Variants in DARS1 observed in about 807,000 individuals in gnomAD.
DARS1 encodes aspartyl-tRNA synthetase 1, also known as aspartate--tRNA ligase, cytoplasmic.
DARS1 carries 51 observed loss-of-function variants against 68.8 expected under a neutral mutation model. That is an observed-to-expected ratio of 0.74 (90% CI 0.59 to 0.94). The LOEUF is 0.94. Ranked by LOEUF, DARS1 falls within the 40% of genes least tolerant of loss-of-function variation. DARS1 has a pLI of 0.00. For missense variants in DARS1, 607 were observed against 597.3 expected, an observed-to-expected ratio of 1.02 and a Z score of -0.17; for synonymous variants, 203 against 190.4, an observed-to-expected ratio of 1.07 and a Z score of -0.55.
intron 4 of DARS1, among the ~76,000 whole-genome samples, chr2:135,948,605 C>T (rs1681776021): frequency 6.6e-6 from 1 of 152,148 alleles, no homozygotes; most frequent in African/African-American, 2.4e-5. Context: ...TGGCTCATGC[C>T]TGTAATCTCA....
At chr2:135,985,330 C>T (rs1025403324) in intron 1 of DARS1, 73 bp downstream of exon 1, 54 of 1,558,150 alleles carry the variant, frequency 3.5e-5, no homozygotes, top group Non-Finnish European at 4.4e-5. Flanking sequence ...GGCCCCACTC[C>T]CCCTCCTCCC....
chr2:135,954,351 A>C (rs58805013), intron 4 of DARS1, among the ~76,000 whole-genome samples: 3,258 of 148,346 alleles, frequency 0.022, 124 homozygotes, highest in African/African-American at 0.076. Context: ...AAAAAGAGAG[A>C]GAGAACAGAA....
chr2:135,933,881 G>C (rs754150613), intron 6 of DARS1, 29 bp downstream of exon 6: 1 of 1,603,420 alleles, frequency 6.2e-7, no homozygotes, highest in Non-Finnish European at 8.5e-7. Context: ...TACAGCGGAA[G>C]CATAATATTT....
intron 4 of DARS1, among the ~76,000 whole-genome samples, chr2:135,951,527 G>C (rs1681838407): frequency 6.6e-6 from 1 of 152,188 alleles, no homozygotes; most frequent in Non-Finnish European, 1.5e-5. Flanking sequence ...TTGCTATAAA[G>C]CTTGTTTTGA....
intron 3 of DARS1, among the ~76,000 whole-genome samples, chr2:135,964,065 A>C (rs1558796575): frequency 6.6e-6 from 1 of 152,218 alleles, no homozygotes; most frequent in Non-Finnish European, 1.5e-5. Flanking sequence ...CTGGATGACT[A>C]TATACAAAAA....
chr2:135,945,504 C>T (rs1681701214), intron 4 of DARS1, among the ~76,000 whole-genome samples: 1 of 152,164 alleles, frequency 6.6e-6, no homozygotes, highest in African/African-American at 2.4e-5. Flanking sequence ...GTCAAAGATA[C>T]TCTGCCCAGG....
chr2:135,969,392 GAA>G (rs1026983736), intron 3 of DARS1, among the ~76,000 whole-genome samples: 56 of 152,114 alleles, frequency 3.7e-4, no homozygotes, highest in African/African-American at 1.3e-3. Context: ...ATAAAAAAAA[GAA>G]TGAATAGAAA....
At chr2:135,911,354 C>T (rs779479594) in intron 14 of DARS1, 28 bp downstream of exon 14, 1 of 866,716 alleles carries the variant, frequency 1.2e-6, no homozygotes, top group Admixed American at 1.8e-5. Flanking sequence ...AGAATATACA[C>T]TCCCCTAAAT....
At chr2:135,913,041 C>A (rs1680930461) in intron 12 of DARS1, among the ~76,000 whole-genome samples, 3 of 151,196 alleles carry the variant, frequency 2.0e-5, no homozygotes, top group Admixed American at 2.0e-4. Flanking sequence ...TTTAAATATT[C>A]ATTTTTTTCC....
At chr2:135,948,708 T>C (rs1034565609) in intron 4 of DARS1, among the ~76,000 whole-genome samples, 1 of 151,844 alleles carries the variant, frequency 6.6e-6, no homozygotes, top group Admixed American at 6.6e-5. Flanking sequence ...CCACTAAAAG[T>C]ACACAAAAAA....
chr2:135,953,490 A>G (rs1470685596), intron 4 of DARS1, among the ~76,000 whole-genome samples: 1 of 152,236 alleles, frequency 6.6e-6, no homozygotes, highest in African/African-American at 2.4e-5. Context: ...ACAAAGGTGC[A>G]AAACGTATTG....
At chr2:135,973,358 A>T (rs1682424705) in intron 3 of DARS1, among the ~76,000 whole-genome samples, 1 of 152,170 alleles carries the variant, frequency 6.6e-6, no homozygotes, top group Non-Finnish European at 1.5e-5. Context: ...TACTTGTGGG[A>T]TCTTAAAATC....
At chr2:135,977,658 T>C (rs933810514) in intron 3 of DARS1, among the ~76,000 whole-genome samples, 95 of 152,286 alleles carry the variant, frequency 6.2e-4, no homozygotes, top group African/African-American at 2.3e-3. Flanking sequence ...CAACATTATT[T>C]GAAAATTTAA....
At chr2:135,927,067 A>G (rs1449222567) in intron 7 of DARS1, among the ~76,000 whole-genome samples, 1 of 152,204 alleles carries the variant, frequency 6.6e-6, no homozygotes, top group Non-Finnish European at 1.5e-5. Flanking sequence ...CTTGCGTAGA[A>G]CACATCTAAA....
intron 3 of DARS1, among the ~76,000 whole-genome samples, chr2:135,966,460 A>G (rs1456615352): frequency 6.6e-6 from 1 of 152,236 alleles, no homozygotes; most frequent in African/African-American, 2.4e-5. Flanking sequence ...ACTTTCCAAC[A>G]CAAAAGACAG....
At chr2:135,975,649 G>C (rs1682480366) in intron 3 of DARS1, among the ~76,000 whole-genome samples, 1 of 151,374 alleles carries the variant, frequency 6.6e-6, no homozygotes, top group Non-Finnish European at 1.5e-5. Flanking sequence ...ACAAAAATCA[G>C]CTGGGCATGG....
At chr2:135,975,152 G>A (rs1389756466) in intron 3 of DARS1, among the ~76,000 whole-genome samples, 1 of 151,640 alleles carries the variant, frequency 6.6e-6, no homozygotes, top group African/African-American at 2.4e-5. Flanking sequence ...AGACCATTCT[G>A]GCTAACATAG....
At chr2:135,956,198 T>TA (rs1399927660) in intron 4 of DARS1, among the ~76,000 whole-genome samples, 2 of 152,164 alleles carry the variant, frequency 1.3e-5, no homozygotes, top group Admixed American at 6.5e-5. Flanking sequence ...CTTAAAGTGG[T>TA]AAAAACAAAT....
At chr2:135,908,286 C>T (rs1680828556) in intron 15 of DARS1, among the ~76,000 whole-genome samples, 1 of 152,124 alleles carries the variant, frequency 6.6e-6, no homozygotes, top group African/African-American at 2.4e-5. Flanking sequence ...ATTTAAAAAA[C>T]AGCGTTAAAA....
Sources: allele counts gnomAD v4.1 joint callset (sites outside exome capture counted in the v4.1 genomes callset), GRCh38; gene constraint gnomAD v4.1.1; transcripts MANE v1.5; gene names NCBI Gene and HGNC (gene_info 2026-07-23, HGNC 2026-07-21).